MSRB3: variants seen among roughly 807,000 people sequenced by gnomAD.
The protein encoded by MSRB3 is methionine-R-sulfoxide reductase B3.
A neutral mutation model predicts 21.0 loss-of-function variants in MSRB3; 13 were observed. That is an observed-to-expected ratio of 0.62 (90% CI 0.40 to 0.98). The LOEUF is 0.98. MSRB3 is among the 50% of genes least tolerant of loss of function. The pLI, the probability that MSRB3 is intolerant of heterozygous loss-of-function variation, is 0.00. For missense variants in MSRB3, 199 were observed against 230.3 expected (o/e 0.86, Z 0.88); for synonymous variants, 87 against 88.6 (o/e 0.98, Z 0.10).
intron 4 of MSRB3, among the ~76,000 whole-genome samples, chr12:65,358,789 T>G (rs989916329): frequency 6.6e-6 from 1 of 151,982 alleles, no homozygotes; most frequent in Non-Finnish European, 1.5e-5. Flanking sequence ...TACATTTAAA[T>G]TATATTGCAA....
intron 4 of MSRB3, among the ~76,000 whole-genome samples, chr12:65,361,151 A>G (rs1592564126): frequency 6.6e-6 from 1 of 152,252 alleles, no homozygotes; most frequent in South Asian, 2.1e-4. Context: ...GGCCATAGGT[A>G]AACTTCACTT....
intron 5 of MSRB3, among the ~76,000 whole-genome samples, chr12:65,448,733 C>T (rs1418095879): frequency 1.3e-5 from 2 of 152,110 alleles, no homozygotes. Flanking sequence ...TGACTGATAA[C>T]TACTGTATTG....
At position 65,368,927 on chromosome 12, in the gene MSRB3, C is replaced by G. The variant is rs935564722; in HGVS notation, c.264-71C>G. On this transcript the variant is annotated intron_variant, in intron 4 of 6. Coordinates refer to ENST00000308259, the MANE Select transcript of MSRB3 (RefSeq NM_001031679.3). ...ATTACCTCCCCTCCCAACCACACCC[C>G]CCCCCCCCATGAAATAATTGTTCTT... 471 of 566,558 alleles carry G rather than the reference C, an allele frequency of 8.3e-4. 30 individuals are homozygous for G. Among genetic ancestry groups the G allele is most frequent in the African/African-American group, 6.6e-3 (318 of 48,330 alleles). The allele number at this position is 566,558 out of a possible 1,614,324, so 35.1% of individuals were successfully genotyped here.
intron 4 of MSRB3, among the ~76,000 whole-genome samples, chr12:65,331,633 A>C (rs1356850719): frequency 1.3e-5 from 2 of 152,218 alleles, no homozygotes; most frequent in African/African-American, 4.8e-5. Flanking sequence ...GCGGAGCGCC[A>C]GGGGAAGCTG....
intron 6 of MSRB3, among the ~76,000 whole-genome samples, chr12:65,457,426 T>A (rs895332718): frequency 6.6e-6 from 1 of 152,106 alleles, no homozygotes; most frequent in Non-Finnish European, 1.5e-5. Flanking sequence ...TGTGTCCATG[T>A]GTTCTCATTG....
intron 5 of MSRB3, among the ~76,000 whole-genome samples, chr12:65,422,014 C>G (rs957790896): frequency 6.6e-6 from 1 of 151,808 alleles, no homozygotes; most frequent in Non-Finnish European, 1.5e-5. Context: ...TGCATAGGCT[C>G]AAAATAAAGG....
chr12:65,281,053 C>T (rs184475306), intron 1 of MSRB3, among the ~76,000 whole-genome samples: 66 of 152,106 alleles, frequency 4.3e-4, no homozygotes, highest in Non-Finnish European at 4.4e-4. Context: ...ATAGGGATAC[C>T]CTGTCTCTAC....
At chr12:65,447,922 G>A (rs1265357946) in intron 5 of MSRB3, among the ~76,000 whole-genome samples, 1 of 152,152 alleles carries the variant, frequency 6.6e-6, no homozygotes, top group African/African-American at 2.4e-5. Context: ...GTGTAATAAA[G>A]TCATAATCCA....
At chr12:65,368,712 G>T (rs539249786) in intron 4 of MSRB3, among the ~76,000 whole-genome samples, 1 of 152,164 alleles carries the variant, frequency 6.6e-6, no homozygotes, top group South Asian at 2.1e-4. Context: ...TAAAGATCAG[G>T]TGCCTTTTAA....
intron 6 of MSRB3, among the ~76,000 whole-genome samples, chr12:65,460,099 A>C (rs1883254804): frequency 6.6e-6 from 1 of 152,250 alleles, no homozygotes; most frequent in African/African-American, 2.4e-5. Context: ...TGCACACTAA[A>C]GATTCTATCC....
intron 4 of MSRB3, among the ~76,000 whole-genome samples, chr12:65,365,663 T>G (rs1444699287): frequency 2.6e-5 from 4 of 152,096 alleles, no homozygotes; most frequent in Non-Finnish European, 2.9e-5. Context: ...AGAGGACAAA[T>G]GGTAGCATAG....
chr12:65,294,989 G>T (rs1426418211), intron 1 of MSRB3, among the ~76,000 whole-genome samples: 1 of 151,936 alleles, frequency 6.6e-6, no homozygotes, highest in Non-Finnish European at 1.5e-5. Context: ...TACCACATCT[G>T]GTTACTTTTT....
At chr12:65,395,606 T>A (rs536618913) in intron 5 of MSRB3, among the ~76,000 whole-genome samples, 1 of 152,238 alleles carries the variant, frequency 6.6e-6, no homozygotes, top group Non-Finnish European at 1.5e-5. Context: ...CTTAAATTTG[T>A]GGTAAAATTC....
chr12:65,343,927 TA>T (rs1294638958), intron 4 of MSRB3, among the ~76,000 whole-genome samples: 1 of 152,074 alleles, frequency 6.6e-6, no homozygotes, highest in Admixed American at 6.6e-5. Flanking sequence ...GATTAAGGTG[TA>T]ATACATGTGA....
intron 4 of MSRB3, among the ~76,000 whole-genome samples, chr12:65,348,614 C>T (rs1406807988): frequency 2.6e-5 from 4 of 152,046 alleles, no homozygotes; most frequent in Non-Finnish European, 4.4e-5. Flanking sequence ...TTAGTTATTT[C>T]TTGCCTTCTG....
rs1881142528 is a variant in MSRB3, at chr12:65,419,177, C to T, written c.293-34551C>T. The T allele has an allele frequency of 2.7e-5, 19 of 696,636 alleles. 1 individual carries two copies. In the South Asian group the frequency reaches 2.9e-4, roughly 11 times the overall value. 43.2% of individuals were successfully genotyped at this position (696,636 alleles called of 1,614,324 possible). ...CCAACCTTGGCCAACTGCATGGTGA[C>T]CACTGTGGTACTCTCCTTAATCTGC... On this transcript the variant is annotated intron_variant, in intron 5 of 6. Coordinates refer to ENST00000308259, the MANE Select transcript of MSRB3 (RefSeq NM_001031679.3).
chr12:65,336,604 A>C (rs1446899050), intron 4 of MSRB3, among the ~76,000 whole-genome samples: 1 of 152,244 alleles, frequency 6.6e-6, no homozygotes, highest in African/African-American at 2.4e-5. Context: ...TGGGAAACAT[A>C]ATAGGGAAAA....
chr12:65,329,591 A>G (rs1055587924), intron 4 of MSRB3, among the ~76,000 whole-genome samples: 4 of 151,914 alleles, frequency 2.6e-5, no homozygotes, highest in Non-Finnish European at 4.4e-5. Flanking sequence ...CGGAGGTTGC[A>G]GTCAGCCAAG....
chr12:65,287,644 A>G (rs2136390124), intron 1 of MSRB3, among the ~76,000 whole-genome samples: 1 of 152,308 alleles, frequency 6.6e-6, no homozygotes, highest in South Asian at 2.1e-4. Flanking sequence ...CTGGTCTCAC[A>G]GTAATTGAGA....
Sources: allele counts gnomAD v4.1 joint callset (sites outside exome capture counted in the v4.1 genomes callset), GRCh38; gene constraint gnomAD v4.1.1; transcripts MANE v1.5; gene names NCBI Gene and HGNC (gene_info 2026-07-23, HGNC 2026-07-21).